AP1G1: variants seen among roughly 807,000 people sequenced by gnomAD.
AP1G1 encodes adaptor related protein complex 1 subunit gamma 1.
AP1G1 carries 7 observed loss-of-function variants against 108.3 expected under a neutral mutation model. The ratio of observed to expected loss-of-function variants is 0.06; its 90% CI spans 0.04 to 0.12. AP1G1 has a LOEUF of 0.12. Ranked by LOEUF, AP1G1 falls within the 10% of genes least tolerant of loss-of-function variation. The pLI is 1.00. For synonymous variants in AP1G1, 379 were observed against 353.5 expected, an observed-to-expected ratio of 1.07 and a Z score of -0.81; for missense variants, 756 against 1,010.7, an observed-to-expected ratio of 0.75 and a Z score of 3.42.
rs772947407 is a variant in AP1G1 at position 71,733,070 on chromosome 16, C to T, written c.2457G>A (p.Gln819=). Residue 819 remains glutamine (Q), a synonymous_variant, in exon 23 of 23, where the codon CAG becomes CAA. Transcript: ENST00000299980. The stretch of plus-strand genomic sequence containing the variant: ...TGGTGCCAAACCCTCATTGCCAGGA[C>T]TGAGGGGGAAAGTTGTTCACCTCTG... ...DLAEVNNFPP[Q]SWQ The T allele has an allele frequency of 1.9e-6, 3 of 1,612,424 alleles. No individual in the cohort carries two copies.
intron 1 of AP1G1, among the ~76,000 whole-genome samples, chr16:71,793,965 A>C (rs1390947334): frequency 1.3e-5 from 2 of 152,088 alleles, no homozygotes; most frequent in South Asian, 2.1e-4. Flanking sequence ...TGATCCACCC[A>C]CCTTGGCCTC....
At position 71,773,080 on chromosome 16, in the gene AP1G1, T is replaced by C. The variant is rs1309096350; in HGVS notation, c.468+141A>G. The C allele has an allele frequency of 1.2e-5, 11 of 880,496 alleles. No individual in the cohort carries two copies. In the Admixed American group the frequency reaches 1.7e-4, roughly 13 times the overall value. The allele number at this position is 880,496 out of a possible 1,614,324, so 54.5% of individuals were successfully genotyped here. ...TTAAGAAAAGAGGAATTAAGGTTAATATATAATCATGTAAAACAGATTTAC... is the reference window on the plus strand; with the variant it reads ...TTAAGAAAAGAGGAATTAAGGTTAACATATAATCATGTAAAACAGATTTAC... On this transcript the variant is annotated intron_variant, in intron 4 of 22. Coordinates refer to ENST00000299980, the MANE Select transcript of AP1G1 (RefSeq NM_001128.6).
At chr16:71,801,627 G>GA (rs2032803585) in intron 1 of AP1G1, among the ~76,000 whole-genome samples, 1 of 151,922 alleles carries the variant, frequency 6.6e-6, no homozygotes, top group Non-Finnish European at 1.5e-5. Context: ...CATGATGCTT[G>GA]AAGAAATGCT....
chr16:71,738,928 A>C lies in AP1G1; in HGVS notation c.2268+14T>G, dbSNP rs756700572. The C allele has an allele frequency of 1.2e-6, 2 of 1,603,764 alleles. No homozygotes were observed. The highest frequency in any genetic ancestry group is 2.2e-5 in the East Asian group (1 of 44,808). The stretch of plus-strand genomic sequence containing the variant: ...TTTAATCAAAGGAAACATCTAAAGA[A>C]GACATTGTAGTACCTTTGGTACTGC... On this transcript the variant is annotated intron_variant, in intron 21 of 22. Transcript: ENST00000299980.
intron 6 of AP1G1, among the ~76,000 whole-genome samples, chr16:71,767,607 A>T (rs2031368993): frequency 6.6e-6 from 1 of 152,328 alleles, no homozygotes; most frequent in African/African-American, 2.4e-5. Flanking sequence ...AAAGTTTCTC[A>T]AGTAAAGATA....
At chr16:71,765,128 T>A (rs2031259506) in intron 7 of AP1G1, among the ~76,000 whole-genome samples, 1 of 152,058 alleles carries the variant, frequency 6.6e-6, no homozygotes, top group South Asian at 2.1e-4. Flanking sequence ...GCTACTTGAG[T>A]CCAGGAGTTT....
At chr16:71,800,343 C>G (rs1257390698) in intron 1 of AP1G1, among the ~76,000 whole-genome samples, 1 of 140,064 alleles carries the variant, frequency 7.1e-6, no homozygotes, top group Non-Finnish European at 1.5e-5. Context: ...TGCACTCTAG[C>G]CTGGGTGATA....
chr16:71,744,635 G>A (rs1238537231), intron 19 of AP1G1, among the ~76,000 whole-genome samples: 1 of 144,630 alleles, frequency 6.9e-6, no homozygotes, highest in African/African-American at 2.6e-5. Context: ...GTACACACTG[G>A]CGCGATCTCG....
At chr16:71,740,952 G>C (rs2045611905) in intron 19 of AP1G1, among the ~76,000 whole-genome samples, 2 of 152,160 alleles carry the variant, frequency 1.3e-5, no homozygotes, top group Non-Finnish European at 2.9e-5. Flanking sequence ...CACGCACCCT[G>C]TGAGGGGTGG....
Position 71,746,439 on chromosome 16 carries a change from C to G in AP1G1, c.1730+149G>C, listed in dbSNP as rs1229523330. 3.1e-5 allele frequency: 14 copies of G among 459,014 alleles called. 1 individual carries two copies. Among genetic ancestry groups the G allele is most frequent in the Non-Finnish European group, 4.9e-5 (13 of 264,500 alleles). 28.4% of individuals were successfully genotyped at this position (459,014 alleles called of 1,614,324 possible). ...GAGACTAGGCAGAATAGAAGATGGA[C>G]AAAACAGAAGCAGACAAGCAATTAG... On this transcript the variant is annotated intron_variant, in intron 17 of 22. Transcript: ENST00000299980.
intron 1 of AP1G1, among the ~76,000 whole-genome samples, chr16:71,797,112 TC>T (rs1378253560): frequency 6.6e-6 from 1 of 151,712 alleles, no homozygotes; most frequent in African/African-American, 2.4e-5. Context: ...AAACATCTAA[TC>T]TGACACTAAT....
Position 71,769,656 on chromosome 16 carries a change from C to T in AP1G1, c.609G>A (p.Glu203=), listed in dbSNP as rs1196571966. The part of the protein sequence containing the change: ...TSVVLLTEMC[E]RSPDMLAHFR... The stretch of plus-strand genomic sequence containing the variant: ...AATGCGCAAGCATGTCTGGGCTTCG[C>T]TCACACATTTCTGTGAGGAGGACTA... The change falls in exon 6 of 23, where the codon GAG becomes GAA. Residue 203 remains glutamate (E), a synonymous_variant. Coordinates refer to ENST00000299980, the MANE Select transcript of AP1G1 (RefSeq NM_001128.6). The T allele has an allele frequency of 2.5e-6, 4 of 1,613,606 alleles. No individual in the cohort carries two copies. The highest frequency in any genetic ancestry group is 2.7e-5 in the African/African-American group (2 of 74,912).
intron 1 of AP1G1, among the ~76,000 whole-genome samples, chr16:71,798,814 G>C (rs1034969020): frequency 6.6e-6 from 1 of 151,252 alleles, no homozygotes; most frequent in African/African-American, 2.4e-5. Context: ...CTTGAACCCA[G>C]GAGGCAGAGG....
Position 71,800,566 on chromosome 16 carries a change from C to G in AP1G1, c.-4+8197G>C, listed in dbSNP as rs930302284. Among the ~76,000 whole-genome samples, 30 of 151,156 alleles carry G rather than the reference C, an allele frequency of 2.0e-4. 1 individual carries two copies. Among genetic ancestry groups the G allele is most frequent in the African/African-American group, 7.4e-4 (30 of 40,734 alleles). Reference sequence around the variant, plus strand: ...CCTTTAATCCTAGCACTTTGGGAGGCCAAGGTGGGCAGATCACGAGGTCAG... The same window carrying G: ...CCTTTAATCCTAGCACTTTGGGAGGGCAAGGTGGGCAGATCACGAGGTCAG... On this transcript the variant is annotated intron_variant, in intron 1 of 22. Transcript: ENST00000299980.
intron 2 of AP1G1, among the ~76,000 whole-genome samples, chr16:71,785,392 A>G (rs904006529): frequency 1.3e-5 from 2 of 151,546 alleles, no homozygotes; most frequent in Non-Finnish European, 2.9e-5. Flanking sequence ...TCTGGACAAC[A>G]TGGTGAAACC....
Position 71,753,772 on chromosome 16 carries a change from T to C in AP1G1, c.1284+61A>G, listed in dbSNP as rs1221749368. ...TTACCTCCCTGACTAGAACATAAAC[T>C]TCATGATAACATCAGTATATCCCAG... On this transcript the variant is annotated intron_variant, in intron 13 of 22. Transcript: ENST00000299980. The C allele has an allele frequency of 1.9e-5, 28 of 1,460,680 alleles. No individual in the cohort carries two copies. In the East Asian group the frequency reaches 5.7e-4, roughly 30 times the overall value. 90.5% of individuals were successfully genotyped at this position (1,460,680 alleles called of 1,614,324 possible). A position where few individuals can be genotyped will look rare whatever the true frequency, so the allele number is the denominator to read the frequency against.
At chr16:71,771,439 C>T (rs1034780849) in intron 4 of AP1G1, among the ~76,000 whole-genome samples, 187 bp from the exon 5 acceptor site, 42 of 152,172 alleles carry the variant, frequency 2.8e-4, no homozygotes, top group Non-Finnish European at 5.7e-4. Flanking sequence ...TAATCCAGCA[C>T]TTTGGGAGCC....
chr16:71,799,055 A>G (rs1323646262), intron 1 of AP1G1, among the ~76,000 whole-genome samples: 4 of 152,196 alleles, frequency 2.6e-5, no homozygotes, highest in Non-Finnish European at 5.9e-5. Context: ...AATGGCTATT[A>G]TACGTATCAA....
chr16:71,738,682 G>A (rs962692593), intron 21 of AP1G1, among the ~76,000 whole-genome samples: 1 of 152,080 alleles, frequency 6.6e-6, no homozygotes, highest in East Asian at 1.9e-4. Flanking sequence ...TGATCACCTC[G>A]TAGAATTCTG....
Sources: allele counts gnomAD v4.1 joint callset (sites outside exome capture counted in the v4.1 genomes callset), GRCh38; gene constraint gnomAD v4.1.1; transcripts MANE v1.5; gene names NCBI Gene and HGNC (gene_info 2026-07-23, HGNC 2026-07-21).